NXPE2: variants seen among roughly 807,000 people sequenced by gnomAD.
NXPE2 encodes neurexophilin and PC-esterase domain family member 2.
Under a neutral mutation model 34.4 loss-of-function variants are expected in NXPE2, and 34 were observed. The ratio of observed to expected loss-of-function variants is 0.99; its 90% CI spans 0.75 to 1.31. The LOEUF (loss-of-function observed/expected upper bound fraction) is 1.31, where lower values mean the gene tolerates loss of function less well. Among genes scored for constraint, NXPE2 ranks in the 40% most tolerant of loss-of-function variants. The probability of loss-of-function intolerance (pLI) is 0.00; values close to 1 mark genes in which losing one functional copy is unlikely to be tolerated. For missense variants in NXPE2, 649 were observed against 672.5 expected (o/e 0.97, Z 0.39); for synonymous variants, 235 against 231.3 (o/e 1.02, Z -0.15).
At chr11:114,654,027 A>G in the NXPE2 span, among the ~76,000 whole-genome samples, 152,122 of 152,310 alleles carry the variant, frequency 1, 75,967 homozygotes, top group Middle Eastern at 1. Context: ...AAGCATGAAC[A>G]TAGGAAAATC....
the NXPE2 span, among the ~76,000 whole-genome samples, chr11:114,752,924 A>C: frequency 2.6e-5 from 4 of 152,190 alleles, no homozygotes; most frequent in African/African-American, 9.7e-5. Flanking sequence ...AGGAAGACAA[A>C]AGAGGTAAGA....
chr11:114,753,211 G>T, the NXPE2 span, among the ~76,000 whole-genome samples: 1 of 152,050 alleles, frequency 6.6e-6, no homozygotes, highest in Non-Finnish European at 1.5e-5. Flanking sequence ...AGGCAACATG[G>T]TGAAACTCCA....
At chr11:114,544,272 T>C in the NXPE2 span, among the ~76,000 whole-genome samples, 90,968 of 151,904 alleles carry the variant, frequency 0.6, 29,031 homozygotes, top group African/African-American at 0.84. Context: ...CCAAAATAAC[T>C]CAATTCTGAG....
chr11:114,537,900 A>G, the NXPE2 span, among the ~76,000 whole-genome samples: 1 of 152,140 alleles, frequency 6.6e-6, no homozygotes, highest in African/African-American at 2.4e-5. Context: ...CAAGCTACCA[A>G]TGACTTTCTT....
the NXPE2 span, among the ~76,000 whole-genome samples, chr11:114,790,177 G>A: frequency 2.0e-5 from 3 of 152,068 alleles, no homozygotes; most frequent in Non-Finnish European, 4.4e-5. Flanking sequence ...GGCCTAATAG[G>A]GCTCAGCTAA....
the NXPE2 span, among the ~76,000 whole-genome samples, chr11:114,563,550 GA>G: frequency 1.3e-4 from 20 of 152,274 alleles, no homozygotes; most frequent in South Asian, 4.1e-3. Context: ...CAGAGTGGGA[GA>G]AAATTTTCAC....
chr11:114,673,026 T>A, the NXPE2 span, among the ~76,000 whole-genome samples: 1 of 149,516 alleles, frequency 6.7e-6, no homozygotes, highest in Non-Finnish European at 1.5e-5. Flanking sequence ...CATGGAACAT[T>A]CTCTAGGATA....
At chr11:114,530,456 G>C in the NXPE2 span, 1 of 1,614,232 alleles carries the variant, frequency 6.2e-7, no homozygotes, top group Non-Finnish European at 8.5e-7. Context: ...CTTCACTGGG[G>C]TGGATGAGCA....
At chr11:114,612,059 G>T in the NXPE2 span, among the ~76,000 whole-genome samples, 7 of 151,952 alleles carry the variant, frequency 4.6e-5, no homozygotes, top group South Asian at 4.1e-4. Flanking sequence ...TGCCTCGTGG[G>T]TAACCACTCT....
the NXPE2 span, among the ~76,000 whole-genome samples, chr11:114,558,429 A>G: frequency 1.3e-5 from 2 of 152,142 alleles, no homozygotes; most frequent in Non-Finnish European, 2.9e-5. Context: ...ACTATGTGTA[A>G]TTAAATATAT....
chr11:114,747,044 A>G, the NXPE2 span, among the ~76,000 whole-genome samples: 6 of 152,112 alleles, frequency 3.9e-5, no homozygotes, highest in African/African-American at 1.2e-4. Context: ...GTGTGTCACA[A>G]AATGTCACTC....
At chr11:114,686,118 T>A (rs1319815892) in intron 2 of NXPE2, among the ~76,000 whole-genome samples, 2 of 152,120 alleles carry the variant, frequency 1.3e-5, no homozygotes, top group African/African-American at 4.8e-5. Context: ...CTAAATACTT[T>A]TATAATTTTT....
chr11:114,725,974 A>ATATATAT, the NXPE2 span, among the ~76,000 whole-genome samples: 6,983 of 32,672 alleles, frequency 0.21, 345 homozygotes, highest in Non-Finnish European at 0.38. Context: ...TAATAAAAAA[A>ATATATAT]AAATATATAT....
the NXPE2 span, among the ~76,000 whole-genome samples, chr11:114,773,078 G>C: frequency 1.3e-5 from 2 of 152,140 alleles, no homozygotes; most frequent in South Asian, 4.1e-4. Context: ...GATGATCTCA[G>C]TGCACTAACC....
the NXPE2 span, chr11:114,571,349 A>G: frequency 6.2e-7 from 1 of 1,614,030 alleles, no homozygotes; most frequent in Non-Finnish European, 8.5e-7. Flanking sequence ...CTTTGACTGA[A>G]TAGGTCATTG....
chr11:114,614,712 T>C, the NXPE2 span, among the ~76,000 whole-genome samples: 1 of 151,314 alleles, frequency 6.6e-6, no homozygotes, highest in East Asian at 2.0e-4. Context: ...ACCTGGTGGA[T>C]AATAAGTGTT....
At chr11:114,500,504 C>T in the NXPE2 span, among the ~76,000 whole-genome samples, 6 of 152,018 alleles carry the variant, frequency 3.9e-5, no homozygotes, top group Admixed American at 3.9e-4. Flanking sequence ...TAAGTGTTCT[C>T]CACATATTCT....
chr11:114,465,868 A>G, the NXPE2 span, among the ~76,000 whole-genome samples: 1 of 152,194 alleles, frequency 6.6e-6, no homozygotes, highest in African/African-American at 2.4e-5. Flanking sequence ...GGCATGGCGC[A>G]TAGAACATAC....
chr11:114,780,962 G>A, the NXPE2 span, among the ~76,000 whole-genome samples: 1 of 152,208 alleles, frequency 6.6e-6, no homozygotes, highest in South Asian at 2.1e-4. Context: ...AGGGAGTGCA[G>A]CGGCGTGAGG....
Sources: allele counts gnomAD v4.1 joint callset (sites outside exome capture counted in the v4.1 genomes callset), GRCh38; gene constraint gnomAD v4.1.1; transcripts MANE v1.5; gene names NCBI Gene and HGNC (gene_info 2026-07-23, HGNC 2026-07-21).